Variants in UTP20 observed in about 807,000 individuals in gnomAD.
UTP20 encodes small subunit processome component 20 homolog.
A neutral mutation model predicts 329.5 loss-of-function variants in UTP20; 164 were observed. The ratio of observed to expected loss-of-function variants is 0.50; its 90% CI spans 0.44 to 0.57. The LOEUF is 0.57. UTP20 is among the 20% of genes least tolerant of loss of function. The pLI, the probability that UTP20 is intolerant of heterozygous loss-of-function variation, is 0.00. For missense variants in UTP20, 3,055 were observed against 3,284.2 expected (o/e 0.93, Z 1.71); for synonymous variants, 1,151 against 1,159.3 (o/e 0.99, Z 0.14).
At chr12:101,328,037 G>A (rs1868627998) in intron 26 of UTP20, among the ~76,000 whole-genome samples, 1 of 152,172 alleles carries the variant, frequency 6.6e-6, no homozygotes, top group African/African-American at 2.4e-5. Context: ...AGACCTTTCT[G>A]GTTATGAAAC....
At chr12:101,342,373 T>G (rs1014056221) in intron 32 of UTP20, 73 bp from the exon 33 acceptor site, 1 of 1,224,208 alleles carries the variant, frequency 8.2e-7, no homozygotes. Flanking sequence ...TTCTATGCTA[T>G]AATATATTAA....
At position 101,370,722 on chromosome 12, in the gene UTP20, T is replaced by C. The variant is rs185529419; in HGVS notation, c.6687+159T>C. ...TGGTGGGTCAATTACAGGTGAACAT[T>C]TGCTTATGAAAAATGTTTAAATGTG... On this transcript the variant is annotated intron_variant, in intron 50 of 61. Transcript: ENST00000261637. Among the ~76,000 whole-genome samples, 170 of 152,342 alleles carry C rather than the reference T, an allele frequency of 1.1e-3. 2 individuals carry two copies. Among genetic ancestry groups the C allele is most frequent in the Middle Eastern group, 3.4e-3 (1 of 294 alleles).
chr12:101,310,595 A>AAAAAAAAAAAAAAAAAAAAAAG lies in UTP20; in HGVS notation c.2231+759_2231+760insAAAAAAAAAAAAAAAAAAGAAA, dbSNP rs1330692306. On this transcript the variant is annotated intron_variant, in intron 19 of 61. Coordinates refer to ENST00000261637, the MANE Select transcript of UTP20 (RefSeq NM_014503.3). The stretch of plus-strand genomic sequence containing the variant: ...TGTCTCCCAAAAAAAAAAAAAAAAA[A>AAAAAAAAAAAAAAAAAAAAAAG]AAATACATGTTATGGCTCATGTGTA... Among the ~76,000 whole-genome samples, 20 of 121,752 alleles carry AAAAAAAAAAAAAAAAAAAAAAG rather than the reference A, an allele frequency of 1.6e-4. 1 individual carries two copies. The highest frequency in any genetic ancestry group is 3.2e-4 in the Non-Finnish European group (16 of 49,796). The allele number at this position is 121,752 out of a possible 152,430, so 79.9% of individuals were successfully genotyped here.
chr12:101,307,648 A>T (rs1872676589), intron 17 of UTP20, among the ~76,000 whole-genome samples: 1 of 152,194 alleles, frequency 6.6e-6, no homozygotes, highest in Non-Finnish European at 1.5e-5. Context: ...AAGTGCTGGG[A>T]TTACAGGTGT....
chr12:101,320,043 G>A (rs761258994), intron 23 of UTP20, among the ~76,000 whole-genome samples: 28 of 152,156 alleles, frequency 1.8e-4, no homozygotes, highest in Non-Finnish European at 3.5e-4. Flanking sequence ...TCATAATTAC[G>A]TGGCCCTGAA....
At chr12:101,296,619 G>T (rs1170722979) in intron 12 of UTP20, among the ~76,000 whole-genome samples, 1 of 144,870 alleles carries the variant, frequency 6.9e-6, no homozygotes, top group Non-Finnish European at 1.5e-5. Context: ...GTGGTAGCGG[G>T]CGCCTGTAGT....
At chr12:101,323,438 T>C (rs1868444508) in intron 25 of UTP20, among the ~76,000 whole-genome samples, 1 of 152,240 alleles carries the variant, frequency 6.6e-6, no homozygotes, top group Non-Finnish European at 1.5e-5. Flanking sequence ...TTTATATTCC[T>C]ACCAGCAGTA....
At chr12:101,378,204 C>T (rs1021612998) in intron 56 of UTP20, among the ~76,000 whole-genome samples, 1 of 152,236 alleles carries the variant, frequency 6.6e-6, no homozygotes, top group Non-Finnish European at 1.5e-5. Flanking sequence ...CTTTCTGGAA[C>T]ACTTGTTTCT....
intron 27 of UTP20, among the ~76,000 whole-genome samples, chr12:101,331,455 A>C (rs1282894998): frequency 6.6e-6 from 1 of 152,248 alleles, no homozygotes; most frequent in Non-Finnish European, 1.5e-5. Flanking sequence ...AATGACTTGT[A>C]ACTACATCAC....
At chr12:101,347,530 A>AG (rs1332165135) in intron 38 of UTP20, among the ~76,000 whole-genome samples, 2 of 152,138 alleles carry the variant, frequency 1.3e-5, no homozygotes, top group African/African-American at 4.8e-5. Flanking sequence ...GAAAAAAAAA[A>AG]GTTTAATGAA....
rs1870341595 is a variant in UTP20, at chr12:101,372,951, T to C, written c.6866T>C (p.Leu2289Pro). The C allele has an allele frequency of 6.2e-6, 10 of 1,613,992 alleles. No individual in the cohort carries two copies. Among genetic ancestry groups the C allele is most frequent in the Middle Eastern group, 1.6e-4 (1 of 6,062 alleles). Reference sequence around the variant, plus strand: ...TTGAGACCAAACTTGGAATTCATGCTCGCTCAACTGAAGTAAGCTTAAGCT... The same window carrying C: ...TTGAGACCAAACTTGGAATTCATGCCCGCTCAACTGAAGTAAGCTTAAGCT... ...DKLRPNLEFM[L>P]AQLNYEHETG... The change falls in exon 52 of 62, where the codon CTC (leucine) becomes CCC (proline). Residue 2289 changes from leucine to proline, a missense_variant. Physicochemically the swap from Leu to Pro is moderately conservative, Grantham distance 98 (BLOSUM62 -3). Transcript: ENST00000261637.
At chr12:101,289,390 CAT>C (rs71438420) in intron 6 of UTP20, among the ~76,000 whole-genome samples, 4,916 of 151,606 alleles carry the variant, frequency 0.032, 295 homozygotes, top group African/African-American at 0.11. Flanking sequence ...CACACACACA[CAT>C]ACACACACAC....
At chr12:101,313,881 A>G (rs916604042) in intron 21 of UTP20, among the ~76,000 whole-genome samples, 1 of 152,174 alleles carries the variant, frequency 6.6e-6, no homozygotes, top group African/African-American at 2.4e-5. Flanking sequence ...TTAAAAGTTC[A>G]TTTTTAGATG....
intron 31 of UTP20, among the ~76,000 whole-genome samples, 185 bp downstream of exon 31, chr12:101,339,142 G>A (rs573862759): frequency 1.6e-4 from 24 of 152,012 alleles, no homozygotes; most frequent in African/African-American, 5.1e-4. Flanking sequence ...GCAAAACCCC[G>A]TCTCTACTAA....
chr12:101,282,531 A>G (rs992204902), intron 2 of UTP20, among the ~76,000 whole-genome samples: 1 of 152,138 alleles, frequency 6.6e-6, no homozygotes, highest in African/African-American at 2.4e-5. Context: ...AGCTGGAGAA[A>G]TAGGCAAGGA....
intron 25 of UTP20, among the ~76,000 whole-genome samples, chr12:101,324,010 G>A (rs61944206): frequency 0.15 from 22,382 of 151,830 alleles, 2,238 homozygotes; most frequent in Non-Finnish European, 0.22. Flanking sequence ...GGTGGCACGT[G>A]CCTGTAATCC....
At chr12:101,373,844 A>G (rs1870381212) in intron 54 of UTP20, 77 bp downstream of exon 54, 1 of 1,468,792 alleles carries the variant, frequency 6.8e-7, no homozygotes, top group African/African-American at 1.4e-5. Flanking sequence ...AATATATGTC[A>G]TACACTGTTG....
chr12:101,344,477 T>C, intron 35 of UTP20, 118 bp from the exon 36 acceptor site: 1 of 658,702 alleles, frequency 1.5e-6, no homozygotes, highest in South Asian at 1.9e-5. Context: ...GGAACTTGTT[T>C]AGTAGGCATT....
intron 61 of UTP20, 91 bp downstream of exon 61, chr12:101,385,819 T>G: frequency 6.6e-7 from 1 of 1,525,864 alleles, no homozygotes; most frequent in South Asian, 1.3e-5. Context: ...TTAGGGAGGA[T>G]CAAGGGTTTG....
Sources: gnomAD v4.1 joint callset for allele counts (sites outside exome capture counted in the v4.1 genomes callset) on GRCh38, gnomAD v4.1.1 for gene constraint, MANE v1.5 for transcripts, NCBI Gene and HGNC (gene_info 2026-07-23, HGNC 2026-07-21) for gene names.